The following RBFOX3 variants were observed in gnomAD, a reference collection of about 807,000 sequenced individuals.
RBFOX3 encodes RNA binding fox-1 homolog 3, also known as RNA binding protein fox-1 homolog 3.
In RBFOX3, 17 loss-of-function variants were observed where a neutral mutation model predicts 48.7. The ratio of observed to expected loss-of-function variants is 0.35; its 90% CI spans 0.24 to 0.52. The LOEUF (loss-of-function observed/expected upper bound fraction) is 0.52. Ranked by LOEUF, RBFOX3 falls within the 20% of genes least tolerant of loss-of-function variation. The pLI is 0.94. For missense variants in RBFOX3, 382 were observed against 497.5 expected (o/e 0.77, Z 2.21); for synonymous variants, 212 against 209.5 (o/e 1.01, Z -0.10).
intron 4 of RBFOX3, among the ~76,000 whole-genome samples, chr17:79,181,039 G>A (rs191273238): frequency 5.9e-5 from 9 of 152,306 alleles, no homozygotes; most frequent in East Asian, 3.9e-4. Context: ...AACTATGAGC[G>A]CTGGTCTAAT....
intron 1 of RBFOX3, among the ~76,000 whole-genome samples, chr17:79,591,965 G>A (rs1258776258): frequency 2.8e-5 from 4 of 144,140 alleles, no homozygotes; most frequent in South Asian, 2.1e-4. Context: ...ATGTGTAAAC[G>A]TGTGCACGCA....
chr17:79,168,249 G>A (rs1391446454), intron 4 of RBFOX3, among the ~76,000 whole-genome samples: 1 of 152,206 alleles, frequency 6.6e-6, no homozygotes, highest in Non-Finnish European at 1.5e-5. Context: ...CCCCCACTGG[G>A]CAGGGAACCT....
intron 1 of RBFOX3, among the ~76,000 whole-genome samples, chr17:79,590,058 G>A (rs1356044023): frequency 4.6e-5 from 7 of 152,192 alleles, no homozygotes; most frequent in East Asian, 1.9e-4. Flanking sequence ...GTGGGGGACC[G>A]GGAGACAAAT....
intron 1 of RBFOX3, among the ~76,000 whole-genome samples, chr17:79,594,456 C>T (rs1457097826): frequency 6.6e-6 from 1 of 152,192 alleles, no homozygotes; most frequent in Non-Finnish European, 1.5e-5. Context: ...CAGCCAGCCC[C>T]CTCCAGGCTC....
chr17:79,496,566 A>G (rs1285696225), intron 1 of RBFOX3, among the ~76,000 whole-genome samples: 3 of 152,220 alleles, frequency 2.0e-5, no homozygotes, highest in Non-Finnish European at 2.9e-5. Flanking sequence ...ACCAGGAGAA[A>G]GCTGCCCAGG....
intron 4 of RBFOX3, among the ~76,000 whole-genome samples, chr17:79,152,350 G>A (rs1459297934): frequency 6.6e-6 from 1 of 152,140 alleles, no homozygotes; most frequent in African/African-American, 2.4e-5. Context: ...CGTGGACACT[G>A]CCTTCCAGAG....
intron 4 of RBFOX3, chr17:79,233,885 G>C (rs1242023992): frequency 6.6e-6 from 1 of 152,336 alleles, no homozygotes. Context: ...GGGATTACAG[G>C]CGTGAGCCAC....
chr17:79,296,430 C>G (rs1278009124), intron 3 of RBFOX3, among the ~76,000 whole-genome samples: 1 of 152,060 alleles, frequency 6.6e-6, no homozygotes, highest in Non-Finnish European at 1.5e-5. Context: ...CTCTATGGGC[C>G]GACTTTGTTA....
rs181633043 is a variant in RBFOX3, at chr17:79,252,674, C to A, written c.-73-16869G>T. Among the ~76,000 whole-genome samples the A allele has an allele frequency of 6.6e-6, 1 of 152,334 alleles. No homozygotes were observed. Among genetic ancestry groups the A allele is most frequent in the Non-Finnish European group, 1.5e-5 (1 of 68,030 alleles). On this transcript the variant is annotated intron_variant, in intron 3 of 14. Transcript: ENST00000693108. The surrounding 1 kb of genome is among the most constrained non-coding windows in gnomAD (Gnocchi z 4.0). ...TTCAAGCCGCTACGTTTGTTTGCGA[C>A]GGCGGCACCTAATGCGGTCCTCTTG...
chr17:79,095,137 C>T (rs1198722994), intron 13 of RBFOX3, among the ~76,000 whole-genome samples: 20 of 152,028 alleles, frequency 1.3e-4, no homozygotes, highest in Admixed American at 1.3e-3. Context: ...AGCTCAGCTA[C>T]CAACAGGCCA....
chr17:79,604,748 G>A (rs1422105359), intron 1 of RBFOX3, among the ~76,000 whole-genome samples: 1 of 152,296 alleles, frequency 6.6e-6, no homozygotes, highest in Non-Finnish European at 1.5e-5. Flanking sequence ...TCCAAATTGT[G>A]GACCTTCCTA....
chr17:79,341,199 CAG>C (rs1262432298), intron 2 of RBFOX3, among the ~76,000 whole-genome samples: 3 of 152,142 alleles, frequency 2.0e-5, no homozygotes, highest in African/African-American at 4.8e-5. Flanking sequence ...TGGGTGTGTG[CAG>C]AGAGTCATGC....
rs796883321 is a variant in RBFOX3, at chr17:79,265,282, G to T, written c.-73-29477C>A. Among the ~76,000 whole-genome samples the T allele has an allele frequency of 1.6e-4, 25 of 152,316 alleles. No homozygotes were observed. The South Asian group carries it at 5.2e-3, about 32-fold the overall frequency. ...GTAATGCCGTGTCCTCCCCGAAGCC[G>T]GCCCTGGGGGGCCACAATTATTAAC... On this transcript the variant is annotated intron_variant, in intron 3 of 14. Coordinates refer to ENST00000693108, the MANE Select transcript of RBFOX3 (RefSeq NM_001350451.2).
intron 4 of RBFOX3, among the ~76,000 whole-genome samples, chr17:79,216,189 G>T (rs1302945541): frequency 6.6e-6 from 1 of 152,260 alleles, no homozygotes; most frequent in African/African-American, 2.4e-5. Flanking sequence ...CCCCAGCTGG[G>T]TGGGGAGAGC....
intron 3 of RBFOX3, among the ~76,000 whole-genome samples, chr17:79,275,997 CCA>C (rs2068730836): frequency 6.6e-6 from 1 of 152,220 alleles, no homozygotes; most frequent in African/African-American, 2.4e-5. Context: ...ATGAAATGAT[CCA>C]CACACTGCAG....
intron 2 of RBFOX3, among the ~76,000 whole-genome samples, chr17:79,447,046 G>A (rs2072471362): frequency 6.6e-6 from 1 of 152,238 alleles, no homozygotes; most frequent in South Asian, 2.1e-4. Flanking sequence ...GTCAACCTGG[G>A]CCTCCCTTCA....
intron 1 of RBFOX3, among the ~76,000 whole-genome samples, chr17:79,513,906 AC>A (rs1270077423): frequency 6.6e-6 from 1 of 151,854 alleles, no homozygotes; most frequent in Non-Finnish European, 1.5e-5. Context: ...TAGCCAGCTC[AC>A]CCCTGCTTCC....
At chr17:79,237,576 C>A (rs530026964) in intron 3 of RBFOX3, among the ~76,000 whole-genome samples, 1 of 152,334 alleles carries the variant, frequency 6.6e-6, no homozygotes, top group South Asian at 2.1e-4. Context: ...CCACAGAACA[C>A]CAAAATGCAC....
chr17:79,217,759 G>T (rs1327306767), intron 4 of RBFOX3, among the ~76,000 whole-genome samples: 1 of 152,118 alleles, frequency 6.6e-6, no homozygotes, highest in South Asian at 2.1e-4. Context: ...GCAGGAGCCA[G>T]TTATGGGGGT....
Sources: gnomAD v4.1 joint callset for allele counts (sites outside exome capture counted in the v4.1 genomes callset) on GRCh38, gnomAD v4.1.1 for gene constraint, Gnocchi (gnomAD v3.1) non-coding constraint, MANE v1.5 for transcripts, NCBI Gene and HGNC (gene_info 2026-07-23, HGNC 2026-07-21) for gene names.